The following CCDC91 variants were observed in gnomAD, a reference collection of about 807,000 sequenced individuals.
CCDC91 encodes coiled-coil domain-containing protein 91.
A neutral mutation model predicts 63.2 loss-of-function variants in CCDC91; 48 were observed. That is an observed-to-expected ratio of 0.76 (90% confidence interval 0.60 to 0.97). The LOEUF (loss-of-function observed/expected upper bound fraction) is 0.97. Ranked by LOEUF, CCDC91 falls within the 50% of genes least tolerant of loss-of-function variation. CCDC91 has a pLI of 0.00. For missense variants in CCDC91, 500 were observed against 494.6 expected, an observed-to-expected ratio of 1.01 and a Z score of -0.10; for synonymous variants, 167 against 165.8, an observed-to-expected ratio of 1.01 and a Z score of -0.06.
intron 1 of CCDC91, among the ~76,000 whole-genome samples, chr12:28,192,313 T>C (rs1941331757): frequency 6.6e-6 from 1 of 152,192 alleles, no homozygotes. Context: ...GCATTACATA[T>C]GATTGTTATG....
chr12:28,280,302 C>T (rs147009752), intron 3 of CCDC91, among the ~76,000 whole-genome samples: 3 of 151,974 alleles, frequency 2.0e-5, no homozygotes, highest in African/African-American at 7.2e-5. Context: ...TTGTATATTA[C>T]TTTCAAATTC....
chr12:28,301,059 A>G (rs1205981891), intron 3 of CCDC91, among the ~76,000 whole-genome samples: 1 of 151,348 alleles, frequency 6.6e-6, no homozygotes, highest in African/African-American at 2.4e-5. Context: ...TTATGGTGCT[A>G]TTTCATTTCT....
intron 12 of CCDC91, among the ~76,000 whole-genome samples, chr12:28,538,257 TCC>T (rs1240487977): frequency 2.1e-5 from 1 of 46,712 alleles, no homozygotes; most frequent in Non-Finnish European, 3.9e-5. Flanking sequence ...CCCTCCCCCT[TCC>T]CCCCCCCCCA....
chr12:28,432,858 C>G (rs898527943), intron 8 of CCDC91, among the ~76,000 whole-genome samples: 1 of 152,096 alleles, frequency 6.6e-6, no homozygotes, highest in Non-Finnish European at 1.5e-5. Context: ...GAGAATTGCT[C>G]TTGCTCCACA....
At chr12:28,335,241 TATATAATATATAATAC>T (rs1334348937) in intron 6 of CCDC91, among the ~76,000 whole-genome samples, 1 of 133,808 alleles carries the variant, frequency 7.5e-6, no homozygotes, top group Admixed American at 7.9e-5. Flanking sequence ...ATAGTATACT[TATATAATATATAATAC>T]ATATAATATA....
intron 6 of CCDC91, among the ~76,000 whole-genome samples, chr12:28,344,205 A>C (rs939800606): frequency 6.6e-6 from 1 of 152,148 alleles, no homozygotes; most frequent in African/African-American, 2.4e-5. Flanking sequence ...CAAACTTAAA[A>C]AAATCTTACT....
intron 6 of CCDC91, among the ~76,000 whole-genome samples, chr12:28,347,771 T>G (rs1942912600): frequency 6.6e-6 from 1 of 152,208 alleles, no homozygotes; most frequent in African/African-American, 2.4e-5. Context: ...GAAAAAAAGA[T>G]ATTTTTAAAA....
chr12:28,241,995 CAAAAAAAA>C (rs1209663723), intron 1 of CCDC91, among the ~76,000 whole-genome samples: 1 of 41,424 alleles, frequency 2.4e-5, no homozygotes, highest in East Asian at 8.5e-4. Flanking sequence ...GACTCCTTCT[CAAAAAAAA>C]AAAAAAAAAA....
chr12:28,227,321 TC>T (rs1310641304), intron 1 of CCDC91, among the ~76,000 whole-genome samples: 2 of 152,148 alleles, frequency 1.3e-5, no homozygotes, highest in African/African-American at 4.8e-5. Context: ...TTTTTGGAAT[TC>T]TTCTGCATGG....
intron 1 of CCDC91, among the ~76,000 whole-genome samples, chr12:28,227,451 T>A (rs1478897829): frequency 5.9e-5 from 9 of 152,118 alleles, no homozygotes; most frequent in Admixed American, 5.9e-4. Context: ...TTTTTTGAAC[T>A]CTTTCTCTTT....
intron 1 of CCDC91, among the ~76,000 whole-genome samples, chr12:28,230,738 C>T (rs1944537802): frequency 6.6e-6 from 1 of 152,118 alleles, no homozygotes; most frequent in African/African-American, 2.4e-5. Context: ...GATCCTCCTG[C>T]AACAGCATCC....
At chr12:28,208,058 G>A (rs2135476891) in intron 1 of CCDC91, among the ~76,000 whole-genome samples, 1 of 152,232 alleles carries the variant, frequency 6.6e-6, no homozygotes, top group African/African-American at 2.4e-5. Flanking sequence ...AACCCAGTCA[G>A]TCTTTTCATT....
At chr12:28,456,559 G>A (rs1275074584) in intron 11 of CCDC91, among the ~76,000 whole-genome samples, 5 of 151,960 alleles carry the variant, frequency 3.3e-5, no homozygotes, top group African/African-American at 4.8e-5. Flanking sequence ...TTGTGATAGC[G>A]CTTATATTTG....
intron 11 of CCDC91, among the ~76,000 whole-genome samples, chr12:28,473,885 A>T (rs1408479810): frequency 2.6e-5 from 4 of 152,096 alleles, no homozygotes; most frequent in African/African-American, 9.7e-5. Context: ...CACAACTTTT[A>T]AAACTCACCA....
intron 7 of CCDC91, among the ~76,000 whole-genome samples, chr12:28,368,923 C>T (rs1313782983): frequency 6.6e-6 from 1 of 151,988 alleles, no homozygotes; most frequent in Non-Finnish European, 1.5e-5. Flanking sequence ...GAACAGCATG[C>T]TGGAAATCTG....
intron 3 of CCDC91, among the ~76,000 whole-genome samples, chr12:28,294,289 C>T (rs1438332213): frequency 1.3e-5 from 2 of 152,084 alleles, no homozygotes; most frequent in African/African-American, 4.8e-5. Context: ...CATTGATAGG[C>T]TTTGGCTCTG....
intron 6 of CCDC91, among the ~76,000 whole-genome samples, chr12:28,356,738 T>G (rs1337363902): frequency 6.6e-6 from 1 of 152,198 alleles, no homozygotes; most frequent in East Asian, 1.9e-4. Context: ...TATTTGCTAA[T>G]TATGTTCTAT....
rs571406481 is a variant in CCDC91 at position 28,297,914 on chromosome 12, A to G, written c.110-7735A>G. Among the ~76,000 whole-genome samples the G allele has an allele frequency of 4.6e-5, 7 of 151,960 alleles. No individual in the cohort carries two copies. The East Asian group carries it at 1.4e-3, about 29-fold the overall frequency. On this transcript the variant is annotated intron_variant, in intron 3 of 12. Coordinates refer to ENST00000536442, the MANE Select transcript of CCDC91 (RefSeq NM_018318.5). ...TTAAAACATGTATACCATCGTTACT[A>G]TAAAATAACATTTTGTGTCTATATA...
intron 3 of CCDC91, among the ~76,000 whole-genome samples, chr12:28,303,613 T>C (rs1328221319): frequency 2.0e-5 from 3 of 152,118 alleles, no homozygotes; most frequent in Admixed American, 6.6e-5. Flanking sequence ...CAGCCACATA[T>C]ATACCTTTAA....
Sources: gnomAD v4.1 joint callset for allele counts (sites outside exome capture counted in the v4.1 genomes callset) on GRCh38, gnomAD v4.1.1 for gene constraint, MANE v1.5 for transcripts, NCBI Gene and HGNC (gene_info 2026-07-23, HGNC 2026-07-21) for gene names.